The following PRIMA1 variants were observed in gnomAD, a reference collection of about 807,000 sequenced individuals.
PRIMA1 encodes the protein proline-rich membrane anchor 1.
A neutral mutation model predicts 17.5 loss-of-function variants in PRIMA1; 7 were observed. That is an observed-to-expected ratio of 0.40 (90% CI 0.23 to 0.75). The LOEUF (loss-of-function observed/expected upper bound fraction) is 0.75, where lower values mean the gene tolerates loss of function less well. Among genes scored for constraint, PRIMA1 ranks in the 30% least tolerant of loss-of-function variants. The probability of loss-of-function intolerance (pLI) is 0.37; values close to 1 mark genes in which losing one functional copy is unlikely to be tolerated. For missense variants in PRIMA1, 200 were observed against 201.8 expected (o/e 0.99, Z 0.05); for synonymous variants, 97 against 77.9 (o/e 1.25, Z -1.29).
At chr14:93,728,457 C>T (rs966664226) in intron 4 of PRIMA1, among the ~76,000 whole-genome samples, 6 of 152,024 alleles carry the variant, frequency 3.9e-5, no homozygotes, top group African/African-American at 7.3e-5. Context: ...GAGTCCTGAG[C>T]GAGGGCGGAG....
At chr14:93,725,339 C>T (rs778326481) in intron 4 of PRIMA1, among the ~76,000 whole-genome samples, 36 of 151,828 alleles carry the variant, frequency 2.4e-4, no homozygotes, top group Admixed American at 4.6e-4. Context: ...CTCCTGCCAC[C>T]GGAGCTGAGT....
chr14:93,725,627 G>A (rs949926638), intron 4 of PRIMA1, among the ~76,000 whole-genome samples: 4 of 152,172 alleles, frequency 2.6e-5, no homozygotes, highest in Non-Finnish European at 5.9e-5. Context: ...TCTTTGAAAT[G>A]AGCACAATAG....
chr14:93,766,187 T>C (rs1043831142), intron 3 of PRIMA1, among the ~76,000 whole-genome samples: 2 of 152,298 alleles, frequency 1.3e-5, no homozygotes, highest in South Asian at 4.1e-4. Flanking sequence ...CAATGCCTCC[T>C]CATGGTTCAA....
intron 3 of PRIMA1, among the ~76,000 whole-genome samples, chr14:93,748,002 GTA>G (rs752348357): frequency 1.3e-5 from 2 of 150,994 alleles, no homozygotes; most frequent in South Asian, 4.2e-4. Context: ...GTGGGAGAGT[GTA>G]TATGAGTGTG....
At chr14:93,741,307 T>C (rs1214364588) in intron 3 of PRIMA1, among the ~76,000 whole-genome samples, 1 of 152,170 alleles carries the variant, frequency 6.6e-6, no homozygotes, top group East Asian at 1.9e-4. Flanking sequence ...AGAAGCAACT[T>C]TCCCAAGGGC....
Position 93,779,210 on chromosome 14 carries a change from T to TGGGGGGGGGGGGGG in PRIMA1, c.194_195insCCCCCCCCCCCCCC (p.Pro70HisfsTer30). ...AGAGGAGTCTGGGAGGTGGCGGGGG[T>TGGGGGGGGGGGGGG]GGGGGCGGCGGGGGCAGCGGGGGAG... On this transcript the variant is annotated frameshift_variant, in exon 3 of 5. Coordinates refer to ENST00000393140, the MANE Select transcript of PRIMA1 (RefSeq NM_178013.4). LOFTEE classifies it high-confidence loss of function. 2.9e-6 allele frequency: 1 copy of TGGGGGGGGGGGGGG among 343,198 alleles called. No homozygotes were observed. The highest frequency in any genetic ancestry group is 5.4e-5 in the South Asian group (1 of 18,382). 21.3% of individuals were successfully genotyped at this position (343,198 alleles called of 1,614,324 possible). A position where few individuals can be genotyped will look rare whatever the true frequency, so the allele number is the denominator to read the frequency against.
At chr14:93,753,073 G>A (rs1182522636) in intron 3 of PRIMA1, among the ~76,000 whole-genome samples, 1 of 152,112 alleles carries the variant, frequency 6.6e-6, no homozygotes, top group Non-Finnish European at 1.5e-5. Context: ...GCTGGAAGAT[G>A]GCCAGGGCTC....
chr14:93,785,053 G>C (rs1318897493), intron 2 of PRIMA1, among the ~76,000 whole-genome samples: 1 of 152,032 alleles, frequency 6.6e-6, no homozygotes, highest in Non-Finnish European at 1.5e-5. Context: ...TCTCTAACTA[G>C]TACTTTAGGA....
At chr14:93,748,316 G>A (rs928233147) in intron 3 of PRIMA1, among the ~76,000 whole-genome samples, 1 of 152,060 alleles carries the variant, frequency 6.6e-6, no homozygotes, top group Admixed American at 6.5e-5. Context: ...AGACAGTCTG[G>A]CCCCAGGGCC....
rs1428876303 is a variant in PRIMA1 at position 93,755,958 on chromosome 14, G to A, written c.230-18588C>T. Among the ~76,000 whole-genome samples the A allele has an allele frequency of 2.6e-5, 4 of 152,176 alleles. 1 individual carries two copies. The highest frequency in any genetic ancestry group is 9.7e-5 in the African/African-American group (4 of 41,440). On this transcript the variant is annotated intron_variant, in intron 3 of 4. Transcript: ENST00000393140. ...GTGGCCCTACTCTTCCCCACCCGAA[G>A]CTCTTCTCCCACACGCAGCTGCCTC...
At chr14:93,745,530 G>A (rs1430558363) in intron 3 of PRIMA1, among the ~76,000 whole-genome samples, 1 of 152,240 alleles carries the variant, frequency 6.6e-6, no homozygotes, top group Non-Finnish European at 1.5e-5. Context: ...GCATCCAGCA[G>A]GGAGTGGGGC....
chr14:93,768,103 TC>T (rs1289573043), intron 3 of PRIMA1, among the ~76,000 whole-genome samples: 2 of 152,132 alleles, frequency 1.3e-5, no homozygotes, highest in South Asian at 2.1e-4. Context: ...CAAAAAAATC[TC>T]TTTTTAAAAA....
At position 93,734,493 on chromosome 14, in the gene PRIMA1, C is replaced by A. The variant is rs1322162058; in HGVS notation, c.359+2748G>T. Among the ~76,000 whole-genome samples the A allele has an allele frequency of 3.3e-5, 5 of 152,208 alleles. No homozygotes were observed. In the East Asian group the frequency reaches 9.6e-4, roughly 29 times the overall value. ...CGAGTCTCTCACGAGGTTCCCACGG[C>A]ACTAGTTTCCCGCTTGCCTGTCTTC... is the stretch of plus-strand genomic sequence containing the variant. On this transcript the variant is annotated intron_variant, in intron 4 of 4. Coordinates refer to ENST00000393140, the MANE Select transcript of PRIMA1 (RefSeq NM_178013.4).
intron 3 of PRIMA1, among the ~76,000 whole-genome samples, chr14:93,769,696 A>G (rs1566975529): frequency 6.6e-6 from 1 of 152,140 alleles, no homozygotes; most frequent in African/African-American, 2.4e-5. Flanking sequence ...TTTGCGACCC[A>G]CCAGGCCTGG....
At chr14:93,761,508 G>A (rs1005244931) in intron 3 of PRIMA1, among the ~76,000 whole-genome samples, 6 of 152,150 alleles carry the variant, frequency 3.9e-5, no homozygotes, top group African/African-American at 1.2e-4. Context: ...CTCAAACCCT[G>A]ATGGTTGTAC....
At chr14:93,759,139 C>T (rs923734274) in intron 3 of PRIMA1, among the ~76,000 whole-genome samples, 19 of 152,122 alleles carry the variant, frequency 1.2e-4, no homozygotes, top group African/African-American at 3.9e-4. Flanking sequence ...CCGCAGGGCA[C>T]GAGGTTAGGA....
At chr14:93,733,843 C>G (rs1183138435) in intron 4 of PRIMA1, among the ~76,000 whole-genome samples, 1 of 152,224 alleles carries the variant, frequency 6.6e-6, no homozygotes, top group African/African-American at 2.4e-5. Flanking sequence ...TGTGGACAGG[C>G]AGCTGGCCTG....
chr14:93,785,188 CAA>C (rs386382197), intron 2 of PRIMA1, among the ~76,000 whole-genome samples: 4 of 110,052 alleles, frequency 3.6e-5, no homozygotes, highest in Admixed American at 1.0e-4. Flanking sequence ...TCTTCTCTTT[CAA>C]AAAAAAAAAA....
chr14:93,786,845 A>G (rs1294165034), intron 2 of PRIMA1, among the ~76,000 whole-genome samples: 1 of 152,216 alleles, frequency 6.6e-6, no homozygotes, highest in Non-Finnish European at 1.5e-5. Context: ...ACATGCATTT[A>G]TCTCATCAAG....
Sources: allele counts gnomAD v4.1 joint callset (sites outside exome capture counted in the v4.1 genomes callset), GRCh38; gene constraint gnomAD v4.1.1; transcripts MANE v1.5; gene names NCBI Gene and HGNC (gene_info 2026-07-23, HGNC 2026-07-21).